The following NLRP4 variants were observed in gnomAD, a reference collection of about 807,000 sequenced individuals.
NLRP4 encodes NACHT, LRR and PYD domains-containing protein 4.
NLRP4 carries 44 observed loss-of-function variants against 84.7 expected under a neutral mutation model. The observed-to-expected ratio is 0.52, with a 90% confidence interval of 0.41 to 0.67. NLRP4 has a LOEUF of 0.67. Ranked by LOEUF, NLRP4 falls within the 30% of genes least tolerant of loss-of-function variation. The pLI, the probability that NLRP4 is intolerant of heterozygous loss-of-function variation, is 0.00. For missense variants in NLRP4, 1,260 were observed against 1,219.4 expected (o/e 1.03, Z -0.50); for synonymous variants, 544 against 476.4 (o/e 1.14, Z -1.85).
intron 1 of NLRP4, among the ~76,000 whole-genome samples, chr19:55,850,712 AGGC>A (rs1984069949): frequency 5.9e-5 from 6 of 101,462 alleles, no homozygotes; most frequent in Non-Finnish European, 1.0e-4. Context: ...GTACTTCCCG[AGGC>A]TGCGGTGTAC....
At chr19:55,861,686 A>T (rs1034508053) in intron 4 of NLRP4, 139 bp downstream of exon 4, 1 of 765,470 alleles carries the variant, frequency 1.3e-6, no homozygotes, top group African/African-American at 1.7e-5. Flanking sequence ...ACTTACAGAC[A>T]TCTCATGCAG....
chr19:55,860,277 G>A (rs1984698226), intron 3 of NLRP4, among the ~76,000 whole-genome samples: 1 of 152,148 alleles, frequency 6.6e-6, no homozygotes, highest in Non-Finnish European at 1.5e-5. Flanking sequence ...GAGCCACCGT[G>A]CCCGGCCAAA....
chr19:55,873,820 C>T (rs1985275336), intron 7 of NLRP4, among the ~76,000 whole-genome samples: 2 of 152,208 alleles, frequency 1.3e-5, no homozygotes, highest in African/African-American at 2.4e-5. Flanking sequence ...ATAATTACTT[C>T]CCATATAGAG....
intron 3 of NLRP4, 89 bp from the exon 4 acceptor site, chr19:55,861,296 GT>G: frequency 1.8e-6 from 2 of 1,108,228 alleles, no homozygotes; most frequent in Non-Finnish European, 2.6e-6. Context: ...GACATCTTCT[GT>G]TTGAGAAGAC....
chr19:55,844,570 C>A (rs115703372), intron 1 of NLRP4, among the ~76,000 whole-genome samples: 2,091 of 152,260 alleles, frequency 0.014, 32 homozygotes, highest in African/African-American at 0.047. Flanking sequence ...GCTACTGTGC[C>A]CGGCCAGATT....
At chr19:55,853,547 C>T (rs540019081) in intron 2 of NLRP4, among the ~76,000 whole-genome samples, 5 of 152,132 alleles carry the variant, frequency 3.3e-5, no homozygotes, top group East Asian at 1.9e-4. Flanking sequence ...TGTGCCACCA[C>T]GCTTGGCTAA....
At chr19:55,856,565 G>C (rs1383442414) in intron 2 of NLRP4, among the ~76,000 whole-genome samples, 1 of 136,782 alleles carries the variant, frequency 7.3e-6, no homozygotes, top group African/African-American at 2.8e-5. Flanking sequence ...GCCCACGTTA[G>C]AGTACAGCAG....
At chr19:55,868,021 C>G in intron 6 of NLRP4, 145 bp downstream of exon 6, 1 of 721,712 alleles carries the variant, frequency 1.4e-6, no homozygotes, top group East Asian at 2.7e-5. Flanking sequence ...GACTTGAGTT[C>G]TAGTTCAGGA....
At chr19:55,875,623 T>C (rs888183110) in intron 7 of NLRP4, among the ~76,000 whole-genome samples, 3 of 152,188 alleles carry the variant, frequency 2.0e-5, no homozygotes, top group African/African-American at 7.2e-5. Context: ...TTTCATGAAA[T>C]CCCAGTGAAA....
intron 8 of NLRP4, 85 bp from the exon 9 acceptor site, chr19:55,878,709 C>T: frequency 8.2e-7 from 1 of 1,215,448 alleles, no homozygotes; most frequent in South Asian, 1.5e-5. Context: ...ATGGGGTGTG[C>T]CTCAACTAGA....
chr19:55,865,697 A>G (rs1360098658), intron 5 of NLRP4, among the ~76,000 whole-genome samples: 2 of 152,144 alleles, frequency 1.3e-5, no homozygotes, highest in Admixed American at 6.5e-5. Flanking sequence ...CAGTTTTGAT[A>G]TGCATTTTTC....
chr19:55,876,018 C>T (rs531738874), intron 7 of NLRP4, among the ~76,000 whole-genome samples: 7 of 152,134 alleles, frequency 4.6e-5, no homozygotes, highest in Admixed American at 3.3e-4. Context: ...GCCTGGACAA[C>T]AGGAGTGAAA....
chr19:55,850,312 T>TGGCTGCGGTGTAATTTCCGA (rs1984032614), intron 1 of NLRP4, among the ~76,000 whole-genome samples: 1 of 56,930 alleles, frequency 1.8e-5, no homozygotes, highest in Non-Finnish European at 2.7e-5. Flanking sequence ...GTAATGTCCG[T>TGGCTGCGGTGTAATTTCCGA]GGCTGCGGTG....
At chr19:55,849,690 TC>T (rs1983937762) in intron 1 of NLRP4, among the ~76,000 whole-genome samples, 1 of 152,370 alleles carries the variant, frequency 6.6e-6, no homozygotes, top group African/African-American at 2.4e-5. Context: ...GGGCATGCCT[TC>T]TCTATTGTTT....
In NLRP4 at chr19:55,881,502, A is replaced by G; in HGVS notation, c.2900A>G (p.Gln967Arg). The change falls in exon 10 of 10, where the codon CAG (glutamine) becomes CGG (arginine). Residue 967 changes from glutamine to arginine, a missense_variant. Physicochemically the swap from Gln to Arg is conservative, Grantham distance 43. Around this residue, in one of 3 missense-constraint regions of NLRP4, gnomAD observed 544 missense variants for 531.7 expected, o/e 1.02. Transcript: ENST00000301295. Reference protein sequence around the residue: ...LRKTDFDEETQALLTAEEERN... With the variant: ...LRKTDFDEETRALLTAEEERN... The stretch of plus-strand genomic sequence containing the variant: ...AAAACTGATTTTGATGAGGAAACCC[A>G]GGCACTTCTGACGGCTGAGGAAGAG... 6.2e-7 allele frequency: 1 copy of G among 1,605,862 alleles called. No individual in the cohort carries two copies.
intron 2 of NLRP4, chr19:55,857,388 T>G: frequency 2.2e-6 from 1 of 452,684 alleles, no homozygotes; most frequent in Non-Finnish European, 3.8e-6. Context: ...TCAACCTTTT[T>G]GTGTAGAGGA....
chr19:55,854,559 A>C (rs903821966), intron 2 of NLRP4, among the ~76,000 whole-genome samples: 9 of 152,168 alleles, frequency 5.9e-5, no homozygotes, highest in Non-Finnish European at 1.2e-4. Flanking sequence ...GTGAAATTGG[A>C]ATTGATTCTG....
At chr19:55,862,894 T>G (rs1172745518) in intron 5 of NLRP4, among the ~76,000 whole-genome samples, 3 of 152,364 alleles carry the variant, frequency 2.0e-5, no homozygotes, top group African/African-American at 7.2e-5. Context: ...AAGTTAAAGT[T>G]TCCCAATTGA....
intron 8 of NLRP4, among the ~76,000 whole-genome samples, chr19:55,878,541 C>T (rs117255616): frequency 0.025 from 3,836 of 152,308 alleles, 78 homozygotes; most frequent in Non-Finnish European, 0.042. Flanking sequence ...GGTATGAAGC[C>T]GGAAATAGAC....
Sources: gnomAD v4.1 joint callset for allele counts (sites outside exome capture counted in the v4.1 genomes callset) on GRCh38, gnomAD v4.1.1 for gene constraint, gnomAD v4.1.1 regional missense constraint, MANE v1.5 for transcripts, NCBI Gene and HGNC (gene_info 2026-07-23, HGNC 2026-07-21) for gene names.